The following LONP2 variants were observed in gnomAD, a reference collection of about 807,000 sequenced individuals.
The protein encoded by LONP2 is lon peptidase 2, peroxisomal.
Under a neutral mutation model 85.6 loss-of-function variants are expected in LONP2, and 60 were observed. That is an observed-to-expected ratio of 0.70 (90% CI 0.57 to 0.87). The LOEUF (loss-of-function observed/expected upper bound fraction) is 0.87. Among genes scored for constraint, LONP2 ranks in the 40% least tolerant of loss-of-function variants. The pLI is 0.00. For missense variants in LONP2, 860 were observed against 1,063.5 expected, an observed-to-expected ratio of 0.81 and a Z score of 2.66; for synonymous variants, 395 against 389.7, an observed-to-expected ratio of 1.01 and a Z score of -0.16.
Position 48,260,121 on chromosome 16 carries a change from T to A in LONP2, c.724-1303T>A, listed in dbSNP as rs1971843704. 3.3e-5 allele frequency among the ~76,000 whole-genome samples: 5 copies of A among 152,294 alleles called. No homozygotes were observed. In the South Asian group the frequency reaches 1.0e-3, roughly 32 times the overall value. The stretch of plus-strand genomic sequence containing the variant: ...GATATGCTTATAAAAATCTCACTTT[T>A]AAAAAATATATAATATGTTCAGTTT... On this transcript the variant is annotated intron_variant, in intron 4 of 14. Coordinates refer to ENST00000285737, the MANE Select transcript of LONP2 (RefSeq NM_031490.5).
At chr16:48,289,759 TA>T (rs1205623163) in intron 8 of LONP2, among the ~76,000 whole-genome samples, 1 of 152,196 alleles carries the variant, frequency 6.6e-6, no homozygotes, top group Non-Finnish European at 1.5e-5. Context: ...ATAAAAAAGA[TA>T]AATACAAATA....
At chr16:48,306,156 A>G (rs1972907211) in intron 11 of LONP2, among the ~76,000 whole-genome samples, 1 of 152,202 alleles carries the variant, frequency 6.6e-6, no homozygotes, top group Non-Finnish European at 1.5e-5. Flanking sequence ...CTGATATAAC[A>G]GAAGGTAGAG....
At chr16:48,324,501 A>G (rs959641835) in intron 11 of LONP2, among the ~76,000 whole-genome samples, 39 of 152,362 alleles carry the variant, frequency 2.6e-4, no homozygotes, top group African/African-American at 7.0e-4. Flanking sequence ...AAAAATTTTA[A>G]TCATTCAAAA....
chr16:48,298,858 G>A (rs924309900), intron 9 of LONP2, among the ~76,000 whole-genome samples: 2 of 151,618 alleles, frequency 1.3e-5, no homozygotes, highest in African/African-American at 4.8e-5. Context: ...TTGTGAAAAC[G>A]TTGGAAATTT....
chr16:48,296,163 C>G lies in LONP2; in HGVS notation c.1532C>G (p.Pro511Arg), dbSNP rs771780712. The G allele has an allele frequency of 6.2e-7, 1 of 1,613,898 alleles. No homozygotes were observed. The change falls in exon 9 of 15, where the codon CCA (proline) becomes CGA (arginine). Residue 511 changes from proline to arginine, a missense_variant and splice_region_variant. Transcript: ENST00000285737. ...GACAGAATGGAGATCATTCAGGTTC[C>G]AGGTACCTGACTCTTAAATCATTAT... ...LLDRMEIIQV[P>R]GYTQEEKIEI...
At chr16:48,296,722 CA>C (rs911933648) in intron 9 of LONP2, among the ~76,000 whole-genome samples, 292 of 58,920 alleles carry the variant, frequency 5.0e-3, no homozygotes, top group Middle Eastern at 0.01. Flanking sequence ...AACTCCATTT[CA>C]AAAAAAAAAA....
At chr16:48,342,877 A>G (rs112376488) in intron 12 of LONP2, among the ~76,000 whole-genome samples, 15 of 152,212 alleles carry the variant, frequency 9.9e-5, no homozygotes, top group Non-Finnish European at 2.2e-4. Context: ...CTACAGAGCA[A>G]CCTGCACACC....
downstream of LONP2, chr16:48,360,670 T>C (rs1250027621): frequency 6.6e-6 from 1 of 152,536 alleles, no homozygotes; most frequent in Non-Finnish European, 1.5e-5. Context: ...GCAAAACCAA[T>C]AAATACAAGA....
chr16:48,300,204 C>T (rs753172682), intron 10 of LONP2, among the ~76,000 whole-genome samples: 4 of 152,192 alleles, frequency 2.6e-5, no homozygotes, highest in Non-Finnish European at 5.9e-5. Context: ...AGGTGATATG[C>T]TACTTTCAGA....
In LONP2 at chr16:48,334,266, A is replaced by G. The variant is rs758484005; in HGVS notation, c.1846A>G (p.Thr616Ala). 3 of 1,613,832 alleles carry G rather than the reference A, an allele frequency of 1.9e-6. No homozygotes were observed. Among genetic ancestry groups the G allele is most frequent in the South Asian group, 2.2e-5 (2 of 91,094 alleles). ...TGAAAAACCTGAATCTATCAGTGAC[A>G]CTACTGACTTGGCTCTACCACCTGA... is the stretch of plus-strand genomic sequence containing the variant. ...EDEKPESISD[T>A]TDLALPPEMP... The change falls in exon 12 of 15, where the codon ACT (threonine) becomes GCT (alanine). Residue 616 changes from threonine (T) to alanine (A), a missense_variant. By Grantham distance (58) the Thr-to-Ala change is moderately conservative. Coordinates refer to ENST00000285737, the MANE Select transcript of LONP2 (RefSeq NM_031490.5).
chr16:48,319,929 G>A (rs1400369576), intron 11 of LONP2, among the ~76,000 whole-genome samples: 13 of 151,960 alleles, frequency 8.6e-5, no homozygotes, highest in African/African-American at 2.9e-4. Context: ...TTGGGAGGGC[G>A]AGGTGGGTGG....
Position 48,320,807 on chromosome 16 carries a change from TC to T in LONP2, c.1796-13408del, listed in dbSNP as rs573074730. Among the ~76,000 whole-genome samples the T allele has an allele frequency of 1.8e-4, 28 of 152,348 alleles. No individual in the cohort carries two copies. In the East Asian group the frequency reaches 5.2e-3, roughly 28 times the overall value. ...TGCCTGTACAGACCGGGAGGAAGCT[TC>T]AATGAAGGCAAAAATCTAACTATAA... is the stretch of plus-strand genomic sequence containing the variant. On this transcript the variant is annotated intron_variant, in intron 11 of 14. Transcript: ENST00000285737.
At chr16:48,347,854 C>A in intron 13 of LONP2, 140 bp downstream of exon 13, 1 of 853,782 alleles carries the variant, frequency 1.2e-6, no homozygotes, top group Non-Finnish European at 1.8e-6. Context: ...AATCCTAGTT[C>A]CCATTTCAGG....
chr16:48,293,590 T>C (rs1454595749), intron 8 of LONP2, among the ~76,000 whole-genome samples: 2 of 151,892 alleles, frequency 1.3e-5, no homozygotes, highest in Admixed American at 1.3e-4. Context: ...GGGGAATCAG[T>C]AGAGGGAAAC....
intron 11 of LONP2, among the ~76,000 whole-genome samples, chr16:48,315,326 T>C (rs545050837): frequency 8.5e-5 from 13 of 152,230 alleles, no homozygotes; most frequent in African/African-American, 1.2e-4. Flanking sequence ...TGACAGTTCG[T>C]TCTGTGTTGC....
At chr16:48,269,833 A>G (rs1972065280) in intron 6 of LONP2, among the ~76,000 whole-genome samples, 183 bp from the exon 7 acceptor site, 1 of 152,196 alleles carries the variant, frequency 6.6e-6, no homozygotes, top group Non-Finnish European at 1.5e-5. Flanking sequence ...TGGGGACACT[A>G]AGTCTTAAGC....
intron 11 of LONP2, among the ~76,000 whole-genome samples, chr16:48,309,730 T>A (rs545745153): frequency 5.1e-4 from 77 of 152,322 alleles, no homozygotes; most frequent in Admixed American, 1.0e-3. Context: ...GATTTTTTTT[T>A]AAATTTATTG....
chr16:48,250,562 T>C lies in LONP2; in HGVS notation c.234-1569T>C, dbSNP rs547422818. Among the ~76,000 whole-genome samples the C allele has an allele frequency of 3.3e-5, 5 of 152,318 alleles. No individual in the cohort carries two copies. In the East Asian group the frequency reaches 9.7e-4, roughly 29 times the overall value. On this transcript the variant is annotated intron_variant, in intron 1 of 14. Coordinates refer to ENST00000285737, the MANE Select transcript of LONP2 (RefSeq NM_031490.5). Reference sequence around the variant, plus strand: ...CATAGCCCAAATAATTAAATTTGTCTCCTGATCGGAGATTTGGATTTGTCT... The same window carrying C: ...CATAGCCCAAATAATTAAATTTGTCCCCTGATCGGAGATTTGGATTTGTCT...
chr16:48,277,000 A>G (rs945813466), intron 7 of LONP2, among the ~76,000 whole-genome samples: 2 of 152,108 alleles, frequency 1.3e-5, no homozygotes, highest in East Asian at 1.9e-4. Context: ...AAGCATGGGA[A>G]TTCATAGGGT....
Sources: allele counts gnomAD v4.1 joint callset (sites outside exome capture counted in the v4.1 genomes callset), GRCh38; gene constraint gnomAD v4.1.1; transcripts MANE v1.5; gene names NCBI Gene and HGNC (gene_info 2026-07-23, HGNC 2026-07-21).